Variants in SFMBT2 observed in about 807,000 individuals in gnomAD.
The protein encoded by SFMBT2 is scm-like with four MBT domains protein 2.
SFMBT2 carries 38 observed loss-of-function variants against 110.1 expected under a neutral mutation model. That is an observed-to-expected ratio of 0.35 (90% confidence interval 0.27 to 0.45). The LOEUF (loss-of-function observed/expected upper bound fraction) is 0.45, where lower values mean the gene tolerates loss of function less well. Ranked by LOEUF, SFMBT2 falls within the 20% of genes least tolerant of loss-of-function variation. The probability of loss-of-function intolerance (pLI) is 1.00; values close to 1 mark genes in which losing one functional copy is unlikely to be tolerated. For synonymous variants in SFMBT2, 425 were observed against 425.4 expected, an observed-to-expected ratio of 1.00 and a Z score of 0.01; for missense variants, 1,011 against 1,094.9, an observed-to-expected ratio of 0.92 and a Z score of 1.08.
chr10:7,387,525 A>G (rs1353799194), intron 1 of SFMBT2, among the ~76,000 whole-genome samples: 2 of 152,076 alleles, frequency 1.3e-5, no homozygotes, highest in Non-Finnish European at 2.9e-5. Context: ...CAAGATGCAA[A>G]TATCAACAAG....
intron 10 of SFMBT2, among the ~76,000 whole-genome samples, chr10:7,224,723 T>C (rs1421904163): frequency 1.3e-5 from 2 of 152,114 alleles, no homozygotes; most frequent in Admixed American, 1.3e-4. Flanking sequence ...ACTGAAAACA[T>C]TATTTTAAAA....
intron 15 of SFMBT2, among the ~76,000 whole-genome samples, chr10:7,192,300 A>G (rs927672396): frequency 1.3e-5 from 2 of 152,182 alleles, no homozygotes; most frequent in Admixed American, 6.5e-5. Flanking sequence ...CCTCTGTCCA[A>G]TATCACATGG....
At chr10:7,393,491 A>G (rs1845838803) in intron 1 of SFMBT2, among the ~76,000 whole-genome samples, 1 of 151,918 alleles carries the variant, frequency 6.6e-6, no homozygotes, top group South Asian at 2.1e-4. Context: ...GCAAAGGGAC[A>G]GCAGTGATTT....
In SFMBT2 at chr10:7,172,730, GAGAA is replaced by G; in HGVS notation, c.1985-73_1985-70del. 1 of 1,497,450 alleles carries G rather than the reference GAGAA, an allele frequency of 6.7e-7. No homozygotes were observed. The highest frequency in any genetic ancestry group is 2.2e-5 in the Admixed American group (1 of 44,974). The allele number at this position is 1,497,450 out of a possible 1,614,324, so 92.8% of individuals were successfully genotyped here. A position where few individuals can be genotyped will look rare whatever the true frequency, so the allele number is the denominator to read the frequency against. ...CACAGACATGAACAGAGAGAGGAGA[GAGAA>G]AGAAGGGAAACGATTCTTTCATCTG... On this transcript the variant is annotated intron_variant, in intron 17 of 20. Coordinates refer to ENST00000397167, the MANE Select transcript of SFMBT2 (RefSeq NM_001387889.1). This position sits in a 1 kb window ranked among gnomAD's most constrained non-coding sequence, Gnocchi z 4.6.
chr10:7,237,994 T>TG (rs1840310078), intron 9 of SFMBT2, among the ~76,000 whole-genome samples: 1 of 151,686 alleles, frequency 6.6e-6, no homozygotes, highest in Non-Finnish European at 1.5e-5. Flanking sequence ...ACAGACTGAG[T>TG]GGGGAGTCGG....
In SFMBT2 at chr10:7,182,054, C is replaced by CT. The variant is rs896534200; in HGVS notation, c.1809-5890dup. Among the ~76,000 whole-genome samples the CT allele has an allele frequency of 5.9e-5, 9 of 151,278 alleles. No individual in the cohort carries two copies. The South Asian group carries it at 1.3e-3, about 21-fold the overall frequency. Reference sequence around the variant, plus strand: ...AGGGGGATGACCTGTTCTTTCTTTCCTTTTTTTTTGAGACAGGCTCTCACC... The same window carrying CT: ...AGGGGGATGACCTGTTCTTTCTTTCCTTTTTTTTTTGAGACAGGCTCTCACC... On this transcript the variant is annotated intron_variant, in intron 16 of 20. Transcript: ENST00000397167.
chr10:7,329,208 C>T (rs1477586924), intron 4 of SFMBT2, among the ~76,000 whole-genome samples: 5 of 152,290 alleles, frequency 3.3e-5, no homozygotes, highest in Middle Eastern at 3.4e-3. Context: ...TGACAGCGGA[C>T]AGATGGAAAA....
At chr10:7,305,677 A>G (rs956653406) in intron 4 of SFMBT2, among the ~76,000 whole-genome samples, 1 of 152,238 alleles carries the variant, frequency 6.6e-6, no homozygotes, top group Non-Finnish European at 1.5e-5. Context: ...AGCCTTATCA[A>G]TACTGCACCA....
chr10:7,200,570 G>C (rs1838921114), intron 13 of SFMBT2, 86 bp from the exon 14 acceptor site: 1 of 1,099,396 alleles, frequency 9.1e-7, no homozygotes, highest in African/African-American at 1.6e-5. Flanking sequence ...AATTTAAAAG[G>C]GCTCTTCCAG....
chr10:7,258,659 C>T (rs1841106290), intron 7 of SFMBT2, among the ~76,000 whole-genome samples: 2 of 152,206 alleles, frequency 1.3e-5, no homozygotes, highest in South Asian at 4.1e-4. Flanking sequence ...TTCGTATCAG[C>T]ATGCCAGGTC....
chr10:7,187,375 T>C (rs113233772), intron 16 of SFMBT2, among the ~76,000 whole-genome samples: 11 of 152,362 alleles, frequency 7.2e-5, no homozygotes, highest in South Asian at 4.1e-4. Context: ...CAGAAAAATA[T>C]GAAATATTAG....
At chr10:7,180,428 T>G (rs1027206592) in intron 16 of SFMBT2, among the ~76,000 whole-genome samples, 1 of 151,958 alleles carries the variant, frequency 6.6e-6, no homozygotes, top group African/African-American at 2.4e-5. Flanking sequence ...CGTGAGTCAC[T>G]GTGCCCAGCC....
intron 1 of SFMBT2, among the ~76,000 whole-genome samples, chr10:7,385,430 G>A (rs1365277830): frequency 6.6e-6 from 1 of 152,184 alleles, no homozygotes; most frequent in Non-Finnish European, 1.5e-5. Flanking sequence ...GGAATGTGGA[G>A]GGGAGAAGGG....
At chr10:7,185,126 C>T (rs1188224490) in intron 16 of SFMBT2, among the ~76,000 whole-genome samples, 1 of 152,204 alleles carries the variant, frequency 6.6e-6, no homozygotes, top group Non-Finnish European at 1.5e-5. Flanking sequence ...GAGACTACTG[C>T]TCCTCCAGAA....
intron 4 of SFMBT2, among the ~76,000 whole-genome samples, chr10:7,323,999 C>T (rs891033295): frequency 1.3e-5 from 2 of 152,186 alleles, no homozygotes; most frequent in Non-Finnish European, 2.9e-5. Flanking sequence ...TATATTTCAT[C>T]TGTATTTATT....
At chr10:7,291,140 A>G (rs1429700895) in intron 4 of SFMBT2, among the ~76,000 whole-genome samples, 3 of 152,202 alleles carry the variant, frequency 2.0e-5, no homozygotes, top group Non-Finnish European at 2.9e-5. Context: ...GCCTTCCCAC[A>G]TCACAGGAGA....
chr10:7,273,485 A>T (rs1009672393), intron 7 of SFMBT2, among the ~76,000 whole-genome samples: 4 of 152,174 alleles, frequency 2.6e-5, no homozygotes, highest in East Asian at 1.9e-4. Context: ...GTATTTTTTT[A>T]AATTATACTT....
intron 4 of SFMBT2, among the ~76,000 whole-genome samples, chr10:7,319,642 AAGAGAGAGACAG>A (rs770608403): frequency 9.1e-5 from 13 of 142,222 alleles, no homozygotes; most frequent in Non-Finnish European, 1.5e-4. Flanking sequence ...GGTGCTACCA[AAGAGAGAGACAG>A]AGAGAGAGAG....
intron 4 of SFMBT2, among the ~76,000 whole-genome samples, chr10:7,311,045 C>CAAAAAAA (rs201310544): frequency 1.0e-5 from 1 of 96,938 alleles, no homozygotes; most frequent in African/African-American, 3.9e-5. Context: ...AACTCCATCT[C>CAAAAAAA]AAAAAAAAAA....
Sources: allele counts gnomAD v4.1 joint callset (sites outside exome capture counted in the v4.1 genomes callset), GRCh38; gene constraint gnomAD v4.1.1; non-coding constraint Gnocchi (gnomAD v3.1); transcripts MANE v1.5; gene names NCBI Gene and HGNC (gene_info 2026-07-23, HGNC 2026-07-21).